The following MYBL2 variants were observed in gnomAD, a reference collection of about 807,000 sequenced individuals.
The protein encoded by MYBL2 is myb-related protein B.
MYBL2 carries 28 observed loss-of-function variants against 79.9 expected under a neutral mutation model. That is an observed-to-expected ratio of 0.35 (90% CI 0.26 to 0.48). The LOEUF (loss-of-function observed/expected upper bound fraction) is 0.48. Among genes scored for constraint, MYBL2 ranks in the 20% least tolerant of loss-of-function variants. MYBL2 has a pLI of 0.99. For synonymous variants in MYBL2, 378 were observed against 361.2 expected, an observed-to-expected ratio of 1.05 and a Z score of -0.53; for missense variants, 735 against 893.9, an observed-to-expected ratio of 0.82 and a Z score of 2.27.
At chr20:43,710,275 G>T (rs1044169254) in intron 10 of MYBL2, among the ~76,000 whole-genome samples, 3 of 152,214 alleles carry the variant, frequency 2.0e-5, no homozygotes, top group African/African-American at 7.2e-5. Flanking sequence ...TTGCAAGCAC[G>T]CGCCGGCTGG....
At position 43,702,902 on chromosome 20, in the gene MYBL2, A is replaced by G. The variant is rs1055599809; in HGVS notation, c.1364A>G (p.Gln455Arg). The G allele has an allele frequency of 6.3e-7, 1 of 1,584,420 alleles. No homozygotes were observed. The highest frequency in any genetic ancestry group is 1.3e-5 in the African/African-American group (1 of 74,652). The stretch of plus-strand genomic sequence containing the variant: ...AAGACCCTGCCCTTCTCGCCCTCCC[A>G]GGTGCGTGGACCCCACTCTGGCTGC... The part of the protein sequence containing the change: ...PVKTLPFSPS[Q>R]FLNFWNKQDT... The change falls in exon 8 of 14, where the codon CAG becomes CGG. Residue 455 changes from glutamine to arginine, a missense_variant and splice_region_variant. Physicochemically the swap from Gln to Arg is conservative, Grantham distance 43. Coordinates refer to ENST00000217026, the MANE Select transcript of MYBL2 (RefSeq NM_002466.4).
At chr20:43,679,104 A>G (rs1339858185) in intron 2 of MYBL2, among the ~76,000 whole-genome samples, 2 of 152,086 alleles carry the variant, frequency 1.3e-5, no homozygotes, top group Non-Finnish European at 1.5e-5. Flanking sequence ...TGGGGAACAC[A>G]GAAGGAAGCA....
intron 12 of MYBL2, among the ~76,000 whole-genome samples, 165 bp downstream of exon 12, chr20:43,713,271 T>C (rs1017649591): frequency 1.3e-5 from 2 of 152,172 alleles, no homozygotes; most frequent in Non-Finnish European, 2.9e-5. Flanking sequence ...TCAGCAGCTC[T>C]GCTTGTCTCT....
At chr20:43,683,210 C>T (rs1568854808) in intron 4 of MYBL2, among the ~76,000 whole-genome samples, 4 of 152,190 alleles carry the variant, frequency 2.6e-5, no homozygotes, top group South Asian at 2.1e-4. Context: ...AGGGGGCTTG[C>T]AGGTTCTGTA....
At chr20:43,704,552 C>A (rs1458319705) in intron 8 of MYBL2, among the ~76,000 whole-genome samples, 1 of 152,132 alleles carries the variant, frequency 6.6e-6, no homozygotes, top group Non-Finnish European at 1.5e-5. Flanking sequence ...AGGGTGGTGA[C>A]CCTGAGGGTT....
intron 1 of MYBL2, among the ~76,000 whole-genome samples, chr20:43,671,547 A>C (rs1453015158): frequency 1.5e-5 from 2 of 133,808 alleles, no homozygotes; most frequent in African/African-American, 2.9e-5. Flanking sequence ...ATCTTGGCTC[A>C]CCGCAACCTC....
Position 43,692,162 on chromosome 20 carries a change from A to G in MYBL2, c.506A>G (p.Asp169Gly), listed in dbSNP as rs1271670254. The G allele has an allele frequency of 6.2e-7, 1 of 1,613,984 alleles. No homozygotes were observed. Among genetic ancestry groups the G allele is most frequent in the Admixed American group, 1.7e-5 (1 of 59,994 alleles). Residue 169 changes from aspartate to glycine, a missense_variant, in exon 6 of 14, where the codon GAC becomes GGC. Asp to Gly is a moderately conservative substitution (Grantham distance 94). Coordinates refer to ENST00000217026, the MANE Select transcript of MYBL2 (RefSeq NM_002466.4). ...EIAKMLPGRT[D>G]NAVKNHWNST... ...CCCCCTGCTGCCCCCTGCAGGACAG[A>G]CAATGCTGTGAAGAATCACTGGAAC...
chr20:43,689,944 G>A (rs544498200), intron 5 of MYBL2, among the ~76,000 whole-genome samples: 31 of 152,146 alleles, frequency 2.0e-4, no homozygotes, highest in Non-Finnish European at 4.3e-4. Flanking sequence ...TGTGACTCAA[G>A]AGTTTCAGGT....
intron 8 of MYBL2, among the ~76,000 whole-genome samples, chr20:43,703,117 A>G (rs914765271): frequency 7.2e-5 from 11 of 152,236 alleles, no homozygotes; most frequent in African/African-American, 2.7e-4. Flanking sequence ...AGTCTGGGCA[A>G]GTCCAGGAAG....
chr20:43,675,341 G>A (rs1407169321), intron 2 of MYBL2, among the ~76,000 whole-genome samples: 1 of 147,044 alleles, frequency 6.8e-6, no homozygotes, highest in African/African-American at 2.5e-5. Context: ...TTTTTGAGAT[G>A]GAGTCTCTGT....
At chr20:43,700,357 G>C (rs576870655) in intron 7 of MYBL2, among the ~76,000 whole-genome samples, 9 of 152,208 alleles carry the variant, frequency 5.9e-5, no homozygotes, top group Non-Finnish European at 1.3e-4. Context: ...TGACTGGCAG[G>C]TGACAGCACA....
At chr20:43,703,796 C>T (rs185596593) in intron 8 of MYBL2, among the ~76,000 whole-genome samples, 100 of 152,064 alleles carry the variant, frequency 6.6e-4, no homozygotes, top group African/African-American at 2.3e-3. Context: ...CGGTTTGCTC[C>T]GGCTGCTTAA....
chr20:43,711,109 G>C (rs1987894988), intron 10 of MYBL2, among the ~76,000 whole-genome samples: 1 of 152,220 alleles, frequency 6.6e-6, no homozygotes, highest in African/African-American at 2.4e-5. Flanking sequence ...GTGGAACAAA[G>C]GGTTGAGTGA....
rs770995595 is a variant in MYBL2, at chr20:43,705,306, G to A, written c.1453G>A (p.Val485Ile). The change falls in exon 9 of 14, where the codon GTC becomes ATC. Residue 485 changes from valine (V) to isoleucine (I), a missense_variant. Around this residue, in one of 5 missense-constraint regions of MYBL2, gnomAD observed 243 missense variants for 327.2 expected, o/e 0.74. Transcript: ENST00000217026. ...STPVCSQKVV[V>I]TTPLHRDKTP... Reference sequence around the variant, plus strand: ...CCCAGTGTGCAGCCAGAAGGTGGTGGTCACCACACCACTGCACCGGGACAA... The same window carrying A: ...CCCAGTGTGCAGCCAGAAGGTGGTGATCACCACACCACTGCACCGGGACAA... The A allele has an allele frequency of 1.2e-6, 2 of 1,614,036 alleles. No homozygotes were observed. Among genetic ancestry groups the A allele is most frequent in the Non-Finnish European group, 1.7e-6 (2 of 1,179,994 alleles).
rs574560261 is a variant in MYBL2, at chr20:43,669,388, G to A, written c.20+2085G>A. Among the ~76,000 whole-genome samples, 4 of 152,188 alleles carry A rather than the reference G, an allele frequency of 2.6e-5. No individual in the cohort carries two copies. The South Asian group carries it at 8.3e-4, about 32-fold the overall frequency. On this transcript the variant is annotated intron_variant, in intron 1 of 13. Transcript: ENST00000217026. ...AGGTCCTGGGCTACTTCTCCCATGA[G>A]GGGCTCAGTGGAGGAACCCCTCCTG...
At chr20:43,685,258 G>A (rs1449794814) in intron 4 of MYBL2, among the ~76,000 whole-genome samples, 1 of 151,626 alleles carries the variant, frequency 6.6e-6, no homozygotes, top group African/African-American at 2.4e-5. Context: ...TCAGCTCATT[G>A]CAACCTCCTC....
At chr20:43,706,721 T>G (rs1395266046) in intron 9 of MYBL2, among the ~76,000 whole-genome samples, 4 of 104,292 alleles carry the variant, frequency 3.8e-5, no homozygotes, top group African/African-American at 1.1e-4. Flanking sequence ...AAAAAAAAGT[T>G]TTTTTTTTTT....
intron 4 of MYBL2, among the ~76,000 whole-genome samples, chr20:43,686,095 A>C (rs1465923793): frequency 1.3e-5 from 2 of 152,160 alleles, no homozygotes; most frequent in East Asian, 3.8e-4. Context: ...AAAAAAAATC[A>C]AAGTGATATG....
chr20:43,681,874 T>C lies in MYBL2; in HGVS notation c.186+19T>C. ...CTTCCCTGTGAGTACAGTCCTGCTG[T>C]GGCCCTCCCTCGGGGCAAGGGCTCT... On this transcript the variant is annotated intron_variant, in intron 3 of 13. Transcript: ENST00000217026. The C allele has an allele frequency of 6.2e-7, 1 of 1,613,480 alleles. No individual in the cohort carries two copies.
Sources: allele counts gnomAD v4.1 joint callset (sites outside exome capture counted in the v4.1 genomes callset), GRCh38; gene constraint gnomAD v4.1.1; regional missense constraint gnomAD v4.1.1; transcripts MANE v1.5; gene names NCBI Gene and HGNC (gene_info 2026-07-23, HGNC 2026-07-21).